Variants in PPP2R1B observed in about 807,000 individuals in gnomAD.
The protein encoded by PPP2R1B is protein phosphatase 2 scaffold subunit Abeta.
In PPP2R1B, 58 loss-of-function variants were observed where a neutral mutation model predicts 72.7. That is an observed-to-expected ratio of 0.80 (90% CI 0.65 to 0.99). The LOEUF is 0.99. PPP2R1B is among the 50% of genes least tolerant of loss of function. The pLI is 0.00. For missense variants in PPP2R1B, 695 were observed against 733.6 expected (o/e 0.95, Z 0.61); for synonymous variants, 256 against 264.6 (o/e 0.97, Z 0.32).
chr11:111,752,801 A>C (rs1565458183), intron 9 of PPP2R1B, among the ~76,000 whole-genome samples: 1 of 152,158 alleles, frequency 6.6e-6, no homozygotes, highest in Non-Finnish European at 1.5e-5. Flanking sequence ...GTCTCTACTA[A>C]AAATACAAAA....
the PPP2R1B span, among the ~76,000 whole-genome samples, chr11:111,712,829 C>G: frequency 6.6e-6 from 1 of 152,164 alleles, no homozygotes; most frequent in Admixed American, 6.5e-5. Flanking sequence ...CTTTTGTGAT[C>G]AGTTATACAT....
At chr11:111,763,897 A>G (rs1359552597) in intron 3 of PPP2R1B, among the ~76,000 whole-genome samples, 3 of 151,812 alleles carry the variant, frequency 2.0e-5, no homozygotes, top group African/African-American at 7.3e-5. Context: ...CTTATCTATT[A>G]ATCAATCTAC....
chr11:111,719,180 C>CT, the PPP2R1B span, among the ~76,000 whole-genome samples: 1 of 152,140 alleles, frequency 6.6e-6, no homozygotes. Flanking sequence ...TTTTTCAATC[C>CT]TTTTTGTGGT....
chr11:111,719,204 T>C, the PPP2R1B span, among the ~76,000 whole-genome samples: 1 of 152,226 alleles, frequency 6.6e-6, no homozygotes, highest in Non-Finnish European at 1.5e-5. Context: ...AGTCTGTCTA[T>C]ATAGAATTCT....
In PPP2R1B at chr11:111,766,365, C is replaced by A. The variant is rs781963026; in HGVS notation, c.-4G>T. ...CGAGCTCTGATGCGCCCGCCATGTT[C>A]TTTCTCCTCCTGCTGCTGGTCACCG... On this transcript the variant is annotated 5_prime_UTR_variant, in exon 1 of 15. Coordinates refer to ENST00000527614, the MANE Select transcript of PPP2R1B (RefSeq NM_002716.5). 6.6e-7 allele frequency: 1 copy of A among 1,508,146 alleles called. No homozygotes were observed. Among genetic ancestry groups the A allele is most frequent in the Non-Finnish European group, 9.0e-7 (1 of 1,112,174 alleles). 93.4% of individuals were successfully genotyped at this position (1,508,146 alleles called of 1,614,324 possible).
the PPP2R1B span, among the ~76,000 whole-genome samples, chr11:111,699,577 C>T: frequency 6.6e-6 from 1 of 152,192 alleles, no homozygotes. Flanking sequence ...CTGTAGTTCT[C>T]ATAACTTCAT....
chr11:111,706,273 A>G, the PPP2R1B span, among the ~76,000 whole-genome samples: 1 of 152,226 alleles, frequency 6.6e-6, no homozygotes, highest in Admixed American at 6.5e-5. Context: ...CTGGGGAGGA[A>G]GGGACAATAT....
chr11:111,760,036 G>A, intron 4 of PPP2R1B, 85 bp from the exon 5 acceptor site: 5 of 1,377,556 alleles, frequency 3.6e-6, no homozygotes, highest in Non-Finnish European at 4.9e-6. Flanking sequence ...ACTTTTAGAG[G>A]TTTTATCTTA....
chr11:111,723,939 C>T, downstream of PPP2R1B: 2 of 1,614,136 alleles, frequency 1.2e-6, no homozygotes, highest in African/African-American at 1.3e-5. Flanking sequence ...TATCCCACTC[C>T]CTGTCAGTAT....
the PPP2R1B span, chr11:111,712,187 T>G: frequency 6.2e-7 from 1 of 1,609,158 alleles, no homozygotes; most frequent in Non-Finnish European, 8.5e-7. Context: ...GTTCCCAAAC[T>G]GTCTGTTCTT....
chr11:111,730,035 G>A (rs1944132932), intron 15 of PPP2R1B: 1 of 152,270 alleles, frequency 6.6e-6, no homozygotes, highest in African/African-American at 2.4e-5. Context: ...CATGAACTCA[G>A]CCTTTGTCTC....
At chr11:111,730,996 A>G (rs747790457) in intron 15 of PPP2R1B, 1 of 152,198 alleles carries the variant, frequency 6.6e-6, no homozygotes, top group Non-Finnish European at 1.5e-5. Context: ...GACAGTGGAT[A>G]ATATGTTCTC....
chr11:111,710,284 A>G, the PPP2R1B span, among the ~76,000 whole-genome samples: 1,122 of 152,332 alleles, frequency 7.4e-3, 8 homozygotes, highest in Middle Eastern at 0.054. Context: ...AGGAATGACA[A>G]CACAAGGAAA....
downstream of PPP2R1B, chr11:111,726,064 A>C (rs1340338689): frequency 6.6e-6 from 1 of 152,244 alleles, no homozygotes; most frequent in Non-Finnish European, 1.5e-5. Context: ...AGATCATTTC[A>C]TTAAGATCTC....
At chr11:111,745,872 C>CATTATAT (rs1352784034) in intron 11 of PPP2R1B, among the ~76,000 whole-genome samples, 1 of 152,212 alleles carries the variant, frequency 6.6e-6, no homozygotes, top group Non-Finnish European at 1.5e-5. Context: ...ATCCAGTGAT[C>CATTATAT]ATTATATAAC....
In PPP2R1B at chr11:111,739,087, AT is replaced by A. The variant is rs1944433960; in HGVS notation, c.*2508del. 5 of 985,280 alleles carry A rather than the reference AT, an allele frequency of 5.1e-6. No individual in the cohort carries two copies. The African/African-American group carries it at 8.7e-5, about 17-fold the overall frequency. 61.0% of individuals were successfully genotyped at this position (985,280 alleles called of 1,614,324 possible). Reference sequence around the variant, plus strand: ...AAGCTTGTTTCCTGAAAGCAGGAAAATCTTTCTGTCAGTGGGAGAATAAGAC... The same window carrying A: ...AAGCTTGTTTCCTGAAAGCAGGAAAACTTTCTGTCAGTGGGAGAATAAGAC... On this transcript the variant is annotated 3_prime_UTR_variant, in exon 15 of 15. Transcript: ENST00000527614.
At position 111,738,016 on chromosome 11, in the gene PPP2R1B, A is replaced by G. The variant is rs1484235615; in HGVS notation, c.*3580T>C. On this transcript the variant is annotated 3_prime_UTR_variant, in exon 15 of 15. Coordinates refer to ENST00000527614, the MANE Select transcript of PPP2R1B (RefSeq NM_002716.5). ...GAACGTTATGTAATTTCCTGGAAACAGCAGGCTCGTGGAGGCAAACGGGGG... is the reference window on the plus strand; with the variant it reads ...GAACGTTATGTAATTTCCTGGAAACGGCAGGCTCGTGGAGGCAAACGGGGG... 2 of 1,009,648 alleles carry G rather than the reference A, an allele frequency of 2.0e-6. No homozygotes were observed. The highest frequency in any genetic ancestry group is 1.7e-5 in the African/African-American group (1 of 58,542). 62.5% of individuals were successfully genotyped at this position (1,009,648 alleles called of 1,614,324 possible).
At chr11:111,696,103 A>G in the PPP2R1B span, among the ~76,000 whole-genome samples, 1 of 152,326 alleles carries the variant, frequency 6.6e-6, no homozygotes, top group South Asian at 2.1e-4. Flanking sequence ...TCGATAACTG[A>G]TCTGTAATTA....
chr11:111,702,596 T>G, the PPP2R1B span, among the ~76,000 whole-genome samples: 1 of 152,144 alleles, frequency 6.6e-6, no homozygotes, highest in African/African-American at 2.4e-5. Flanking sequence ...ATAGGCATAA[T>G]CTGTGTAAAG....
Sources: allele counts gnomAD v4.1 joint callset (sites outside exome capture counted in the v4.1 genomes callset), GRCh38; gene constraint gnomAD v4.1.1; transcripts MANE v1.5; gene names NCBI Gene and HGNC (gene_info 2026-07-23, HGNC 2026-07-21).